The following C7orf78 variants were observed in gnomAD, a reference collection of about 807,000 sequenced individuals.
The protein encoded by C7orf78 is putative uncharacterized protein C7orf78.
the C7orf78 span, chr7:12,538,333 G>C: frequency 6.6e-6 from 1 of 152,096 alleles, no homozygotes; most frequent in African/African-American, 2.4e-5. Flanking sequence ...GGAAGAGAAC[G>C]TTCTGTTGTT....
At chr7:12,490,333 C>A in the C7orf78 span, among the ~76,000 whole-genome samples, 1 of 152,038 alleles carries the variant, frequency 6.6e-6, no homozygotes, top group Non-Finnish European at 1.5e-5. Flanking sequence ...TTTACATCAT[C>A]TACTTTTTGA....
At chr7:12,531,285 T>A in the C7orf78 span, among the ~76,000 whole-genome samples, 1 of 152,204 alleles carries the variant, frequency 6.6e-6, no homozygotes, top group Admixed American at 6.5e-5. Context: ...CATTATCAAA[T>A]AATTATTATT....
At chr7:12,531,011 A>G in the C7orf78 span, 71 of 398,444 alleles carry the variant, frequency 1.8e-4, no homozygotes, top group African/African-American at 1.4e-3. Flanking sequence ...ATCTTCCTTC[A>G]GAGACATAGA....
At chr7:12,499,430 C>T in the C7orf78 span, among the ~76,000 whole-genome samples, 2 of 150,676 alleles carry the variant, frequency 1.3e-5, no homozygotes, top group Non-Finnish European at 3.0e-5. Flanking sequence ...GGTTGCAATC[C>T]TAGTCTCTGA....
the C7orf78 span, among the ~76,000 whole-genome samples, chr7:12,508,031 G>A: frequency 2.0e-5 from 3 of 152,208 alleles, no homozygotes; most frequent in East Asian, 1.9e-4. Flanking sequence ...ATCATGCTAC[G>A]TTCTCCGGCT....
the C7orf78 span, among the ~76,000 whole-genome samples, chr7:12,533,869 G>A: frequency 6.6e-6 from 1 of 152,216 alleles, no homozygotes; most frequent in Middle Eastern, 3.4e-3. Flanking sequence ...GATTATTACT[G>A]CTGCCTGTAA....
the C7orf78 span, among the ~76,000 whole-genome samples, chr7:12,495,058 C>G: frequency 3.3e-5 from 5 of 152,214 alleles, no homozygotes; most frequent in African/African-American, 1.2e-4. Flanking sequence ...CAGGCTTGCT[C>G]TGTGGTAAAG....
the C7orf78 span, among the ~76,000 whole-genome samples, chr7:12,503,440 T>G: frequency 6.6e-6 from 1 of 151,930 alleles, no homozygotes; most frequent in Non-Finnish European, 1.5e-5. Context: ...ACTGATAAAA[T>G]ATTATGATGC....
chr7:12,511,882 G>T, the C7orf78 span, among the ~76,000 whole-genome samples: 1 of 145,864 alleles, frequency 6.9e-6, no homozygotes, highest in Non-Finnish European at 1.5e-5. Context: ...CTCCCGAGTA[G>T]CTGGGACTAC....
chr7:12,533,702 G>A, the C7orf78 span, among the ~76,000 whole-genome samples: 1 of 151,890 alleles, frequency 6.6e-6, no homozygotes, highest in Non-Finnish European at 1.5e-5. Context: ...GTTTTTAGTA[G>A]AGACAAGGTT....
chr7:12,487,769 G>T, the C7orf78 span, among the ~76,000 whole-genome samples: 1 of 152,024 alleles, frequency 6.6e-6, no homozygotes, highest in African/African-American at 2.4e-5. Context: ...AACAGATTCA[G>T]TCTCCTTTAA....
the C7orf78 span, among the ~76,000 whole-genome samples, chr7:12,537,370 A>G: frequency 6.6e-6 from 1 of 152,320 alleles, no homozygotes; most frequent in East Asian, 1.9e-4. Context: ...ACCTGCCCCC[A>G]GAATTCAATC....
chr7:12,530,499 G>C, the C7orf78 span: 2 of 152,068 alleles, frequency 1.3e-5, no homozygotes, highest in African/African-American at 4.8e-5. Flanking sequence ...TAATGTTAAC[G>C]CTGGTGAGTT....
the C7orf78 span, among the ~76,000 whole-genome samples, chr7:12,532,351 C>G: frequency 6.6e-6 from 1 of 151,972 alleles, no homozygotes; most frequent in Non-Finnish European, 1.5e-5. Flanking sequence ...AGTTCGAGAC[C>G]AGCCTGACCA....
chr7:12,503,031 A>C, the C7orf78 span, among the ~76,000 whole-genome samples: 1 of 144,142 alleles, frequency 6.9e-6, no homozygotes, highest in Non-Finnish European at 1.5e-5. Flanking sequence ...GGAATTGAAC[A>C]ATGAGATCAC....
At chr7:12,497,596 C>T in the C7orf78 span, among the ~76,000 whole-genome samples, 50 of 151,388 alleles carry the variant, frequency 3.3e-4, no homozygotes, top group Non-Finnish European at 6.6e-4. Context: ...CCCACGGAGT[C>T]TCGCTGATTG....
chr7:12,535,136 C>G, the C7orf78 span, among the ~76,000 whole-genome samples: 1 of 152,154 alleles, frequency 6.6e-6, no homozygotes, highest in Admixed American at 6.5e-5. Context: ...TGCACACCCA[C>G]CAAAATAGCC....
chr7:12,488,626 C>T, the C7orf78 span, among the ~76,000 whole-genome samples: 1 of 151,722 alleles, frequency 6.6e-6, no homozygotes, highest in Non-Finnish European at 1.5e-5. Flanking sequence ...GCCAGCTGCA[C>T]CTTTATGAAT....
At chr7:12,539,732 T>A in the C7orf78 span, among the ~76,000 whole-genome samples, 1 of 152,208 alleles carries the variant, frequency 6.6e-6, no homozygotes, top group Non-Finnish European at 1.5e-5. Context: ...GTCAAGGAGA[T>A]GAGAGCTCAG....
Sources: gnomAD v4.1 joint callset for allele counts (sites outside exome capture counted in the v4.1 genomes callset) on GRCh38, gnomAD v4.1.1 for gene constraint, MANE v1.5 for transcripts, NCBI Gene and HGNC (gene_info 2026-07-23, HGNC 2026-07-21) for gene names.